The following TP53I13 variants were observed in gnomAD, a reference collection of about 807,000 sequenced individuals.
The protein encoded by TP53I13 is tumor protein p53 inducible protein 13.
A neutral mutation model predicts 39.1 loss-of-function variants in TP53I13; 27 were observed. The observed-to-expected ratio is 0.69, with a 90% CI of 0.51 to 0.95. The LOEUF (loss-of-function observed/expected upper bound fraction) is 0.95. Ranked by LOEUF, TP53I13 falls within the 40% of genes least tolerant of loss-of-function variation. The probability of loss-of-function intolerance (pLI) is 0.00; values close to 1 mark genes in which losing one functional copy is unlikely to be tolerated. For synonymous variants in TP53I13, 230 were observed against 224.6 expected, an observed-to-expected ratio of 1.02 and a Z score of -0.22; for missense variants, 544 against 520.4, an observed-to-expected ratio of 1.05 and a Z score of -0.44.
the TP53I13 span, among the ~76,000 whole-genome samples, chr17:29,579,921 G>T: frequency 3.9e-5 from 6 of 152,104 alleles, no homozygotes; most frequent in Admixed American, 2.6e-4. Flanking sequence ...CTCTCGGGAT[G>T]GTCACTGCTC....
At chr17:29,571,167 C>T (rs1598552572) in intron 3 of TP53I13, 2 of 186,082 alleles carry the variant, frequency 1.1e-5, no homozygotes, top group Non-Finnish European at 2.2e-5. Context: ...GTATTTCCAT[C>T]CTGAGATTGT....
the TP53I13 span, among the ~76,000 whole-genome samples, chr17:29,580,043 C>G: frequency 6.6e-6 from 1 of 152,188 alleles, no homozygotes; most frequent in Non-Finnish European, 1.5e-5. Context: ...CCTCCATTCC[C>G]ATGCAGCATT....
chr17:29,582,226 TG>T, the TP53I13 span: 4 of 1,066,016 alleles, frequency 3.8e-6, no homozygotes, highest in Non-Finnish European at 4.1e-6. Flanking sequence ...TGGCTGCCCC[TG>T]GGACACCTAG....
intron 3 of TP53I13, chr17:29,569,563 G>A (rs1437578766): frequency 1.9e-6 from 1 of 523,640 alleles, no homozygotes. Flanking sequence ...TGAGCCATAG[G>A]CCTGTCATCT....
chr17:29,579,596 G>C, the TP53I13 span, among the ~76,000 whole-genome samples: 1 of 152,098 alleles, frequency 6.6e-6, no homozygotes, highest in African/African-American at 2.4e-5. Flanking sequence ...AATTAGCTGA[G>C]CACGGTGGCA....
chr17:29,577,074 C>T (rs1490390393), downstream of TP53I13: 3 of 1,606,066 alleles, frequency 1.9e-6, no homozygotes, highest in East Asian at 6.7e-5. Flanking sequence ...CAGGGAGAGC[C>T]ATGCAGGAAA....
At chr17:29,581,218 A>G in the TP53I13 span, 2 of 757,996 alleles carry the variant, frequency 2.6e-6, no homozygotes, top group South Asian at 1.4e-5. This position sits in a 1 kb window ranked among gnomAD's most constrained non-coding sequence, Gnocchi z 4.8. Context: ...CTGTGCCTCT[A>G]GTCTCTGGGG....
chr17:29,569,198 C>T (rs956368360), intron 2 of TP53I13, 112 bp downstream of exon 2: 1 of 1,476,216 alleles, frequency 6.8e-7, no homozygotes, highest in Admixed American at 2.0e-5. Context: ...GCCGGTTCCT[C>T]AGTCCTCAGT....
upstream of TP53I13, chr17:29,566,967 G>A (rs1157184008): frequency 7.3e-7 from 1 of 1,368,024 alleles, no homozygotes; most frequent in Non-Finnish European, 9.4e-7. Context: ...ACGGCGGCAT[G>A]GCGAAGCTGG....
downstream of TP53I13, chr17:29,575,813 G>A (rs755275423): frequency 3.0e-5 from 49 of 1,612,676 alleles, no homozygotes; most frequent in South Asian, 8.8e-5. This position sits in a 1 kb window ranked among gnomAD's most constrained non-coding sequence, Gnocchi z 5.5. Context: ...AAACATTACC[G>A]TGTGGCGGCT....
chr17:29,577,625 C>A (rs1396160424), downstream of TP53I13: 8 of 1,518,146 alleles, frequency 5.3e-6, no homozygotes, highest in South Asian at 1.1e-5. Context: ...CACCCCAGGC[C>A]CCCAATCCAG....
chr17:29,576,402 G>C (rs1441597658), downstream of TP53I13: 1 of 1,613,202 alleles, frequency 6.2e-7, no homozygotes, highest in Non-Finnish European at 8.5e-7. Flanking sequence ...GTGGGCACCG[G>C]CCCTGGAGGC....
downstream of TP53I13, chr17:29,574,898 G>A (rs1468906897): frequency 6.4e-7 from 1 of 1,566,972 alleles, no homozygotes; most frequent in South Asian, 1.1e-5. Context: ...GCTCCGCACT[G>A]GCTCCAGGGC....
chr17:29,572,861 G>GCGCCGGAGACCCCTCCTCCCGCCCA lies in TP53I13; in HGVS notation c.1127_1151dup (p.Asp384GlufsTer70). 3 of 1,523,724 alleles carry GCGCCGGAGACCCCTCCTCCCGCCCA rather than the reference G, an allele frequency of 2.0e-6. No homozygotes were observed. Among genetic ancestry groups the GCGCCGGAGACCCCTCCTCCCGCCCA allele is most frequent in the Admixed American group, 2.0e-5 (1 of 50,140 alleles). 94.4% of individuals were successfully genotyped at this position (1,523,724 alleles called of 1,614,324 possible). A position where few individuals can be genotyped will look rare whatever the true frequency, so the allele number is the denominator to read the frequency against. On this transcript the variant is annotated frameshift_variant, in exon 7 of 7. Coordinates refer to ENST00000301057, the MANE Select transcript of TP53I13 (RefSeq NM_138349.4). LOFTEE classifies it high-confidence loss of function. ...AGCCCTCGCGCCGGGTCAAGCGCTC[G>GCGCCGGAGACCCCTCCTCCCGCCCA]CGCCGGAGACCCCTCCTCCCGCCCA...
chr17:29,577,027 A>G (rs1471506171), downstream of TP53I13: 1 of 1,605,468 alleles, frequency 6.2e-7, no homozygotes, highest in East Asian at 2.2e-5. Flanking sequence ...CTCAGGCCAC[A>G]CTCCACCACA....
chr17:29,567,088 G>T (rs1299350491), upstream of TP53I13: 2 of 859,170 alleles, frequency 2.3e-6, no homozygotes, highest in African/African-American at 1.8e-5. This position sits in a 1 kb window ranked among gnomAD's most constrained non-coding sequence, Gnocchi z 6.6. Flanking sequence ...GCGCGGGCGC[G>T]CTCTGGATTG....
the TP53I13 span, among the ~76,000 whole-genome samples, chr17:29,579,724 T>TA: frequency 3.1e-3 from 438 of 142,170 alleles, 5 homozygotes; most frequent in Middle Eastern, 3.5e-3. Context: ...CCCCAACTCT[T>TA]AAAAAAAAAA....
chr17:29,568,621 G>T (rs1186959429), upstream of TP53I13: 33 of 380,972 alleles, frequency 8.7e-5, no homozygotes, highest in Non-Finnish European at 1.2e-4. This position sits in a 1 kb window ranked among gnomAD's most constrained non-coding sequence, Gnocchi z 4.5. Flanking sequence ...TCTGGGGAGG[G>T]GCGCGCGCGA....
downstream of TP53I13, chr17:29,577,330 G>A (rs1598567622): frequency 1.9e-6 from 2 of 1,042,946 alleles, no homozygotes; most frequent in East Asian, 4.8e-5. Flanking sequence ...AGCAAGGCAT[G>A]GCTCTGCCAT....
Sources: allele counts gnomAD v4.1 joint callset (sites outside exome capture counted in the v4.1 genomes callset), GRCh38; gene constraint gnomAD v4.1.1; non-coding constraint Gnocchi (gnomAD v3.1); transcripts MANE v1.5; gene names NCBI Gene and HGNC (gene_info 2026-07-23, HGNC 2026-07-21).